The following MCU variants were observed in gnomAD, a reference collection of about 807,000 sequenced individuals.
The protein encoded by MCU is calcium uniporter protein, mitochondrial.
In MCU, 12 loss-of-function variants were observed where a neutral mutation model predicts 45.2. The ratio of observed to expected loss-of-function variants is 0.27; its 90% CI spans 0.17 to 0.43. The LOEUF (loss-of-function observed/expected upper bound fraction) is 0.43. Ranked by LOEUF, MCU falls within the 20% of genes least tolerant of loss-of-function variation. The pLI is 1.00. For missense variants in MCU, 324 were observed against 436.7 expected (o/e 0.74, Z 2.30); for synonymous variants, 160 against 165.1 (o/e 0.97, Z 0.24).
intron 1 of MCU, among the ~76,000 whole-genome samples, chr10:72,716,715 T>TA (rs879381622): frequency 2.4e-3 from 337 of 140,428 alleles, no homozygotes; most frequent in Middle Eastern, 3.6e-3. Context: ...GAGGCCCCAT[T>TA]AAAAAAAAAA....
intron 1 of MCU, among the ~76,000 whole-genome samples, chr10:72,705,203 G>T (rs1842804681): frequency 6.6e-6 from 1 of 152,046 alleles, no homozygotes; most frequent in Admixed American, 6.6e-5. Context: ...TAAGTTCTGG[G>T]ATATGTGTGC....
At chr10:72,824,372 A>ATTTT (rs66765142) in intron 1 of MCU, among the ~76,000 whole-genome samples, 1 of 133,718 alleles carries the variant, frequency 7.5e-6, no homozygotes, top group African/African-American at 2.9e-5. Flanking sequence ...AATTTTTTGT[A>ATTTT]TTTTTTTTTT....
intron 1 of MCU, among the ~76,000 whole-genome samples, chr10:72,768,385 A>T (rs1843758082): frequency 6.6e-6 from 1 of 152,228 alleles, no homozygotes; most frequent in Non-Finnish European, 1.5e-5. Context: ...AAAAACATTT[A>T]TATAATCTCA....
intron 1 of MCU, among the ~76,000 whole-genome samples, chr10:72,706,834 C>CTT (rs35632322): frequency 5.4e-4 from 72 of 133,450 alleles, no homozygotes; most frequent in African/African-American, 1.7e-3. Flanking sequence ...CGCACCCGGC[C>CTT]TTTTTTTTTT....
chr10:72,750,395 G>C (rs1366109929), intron 1 of MCU, among the ~76,000 whole-genome samples: 2 of 151,958 alleles, frequency 1.3e-5, no homozygotes. Flanking sequence ...TAATAAAATA[G>C]GTACAAAACT....
At chr10:72,750,999 T>A (rs576993594) in intron 1 of MCU, among the ~76,000 whole-genome samples, 1 of 152,278 alleles carries the variant, frequency 6.6e-6, no homozygotes, top group Admixed American at 6.5e-5. Flanking sequence ...TTCATTTTTA[T>A]TTTTTATTTT....
At chr10:72,791,085 A>G (rs923834802) in intron 1 of MCU, among the ~76,000 whole-genome samples, 1 of 152,308 alleles carries the variant, frequency 6.6e-6, no homozygotes, top group Admixed American at 6.5e-5. Flanking sequence ...GGTGGCAAAC[A>G]TATATTAAAA....
At chr10:72,776,825 A>G (rs1381345176) in intron 1 of MCU, among the ~76,000 whole-genome samples, 2 of 152,144 alleles carry the variant, frequency 1.3e-5, no homozygotes, top group Non-Finnish European at 2.9e-5. Flanking sequence ...AAACCTAAAG[A>G]CTCCACAAAA....
At chr10:72,701,029 G>T (rs372333832) in intron 1 of MCU, among the ~76,000 whole-genome samples, 2 of 152,148 alleles carry the variant, frequency 1.3e-5, no homozygotes, top group South Asian at 4.1e-4. Context: ...CTTCTTTTTT[G>T]TCTGCTGAGA....
chr10:72,885,517 T>C (rs1800421909), intron 7 of MCU, among the ~76,000 whole-genome samples: 1 of 152,190 alleles, frequency 6.6e-6, no homozygotes, highest in Non-Finnish European at 1.5e-5. Context: ...TTCTGGAGGC[T>C]TTGTTGAGGG....
chr10:72,780,836 A>T (rs1344902197), intron 1 of MCU, among the ~76,000 whole-genome samples: 1 of 152,140 alleles, frequency 6.6e-6, no homozygotes, highest in Non-Finnish European at 1.5e-5. Flanking sequence ...TGTGATAGTT[A>T]AATGAAGTTT....
chr10:72,822,137 G>A (rs779368594), intron 1 of MCU, among the ~76,000 whole-genome samples: 27 of 152,246 alleles, frequency 1.8e-4, no homozygotes, highest in Non-Finnish European at 2.9e-4. Flanking sequence ...TTAACCGGGC[G>A]TGGTGACAGA....
At chr10:72,820,083 G>C (rs1844687922) in intron 1 of MCU, among the ~76,000 whole-genome samples, 1 of 152,118 alleles carries the variant, frequency 6.6e-6, no homozygotes, top group Non-Finnish European at 1.5e-5. Context: ...TAGAAGTAAG[G>C]ATCCTGCATC....
chr10:72,810,189 A>G (rs1844518147), intron 1 of MCU, among the ~76,000 whole-genome samples: 1 of 152,068 alleles, frequency 6.6e-6, no homozygotes, highest in Non-Finnish European at 1.5e-5. Context: ...GAGTGGGGAG[A>G]CTTCTTTCCC....
intron 2 of MCU, among the ~76,000 whole-genome samples, chr10:72,856,293 CT>C (rs1197161554): frequency 2.6e-5 from 4 of 152,124 alleles, no homozygotes; most frequent in African/African-American, 7.2e-5. Flanking sequence ...TAGAAATGTT[CT>C]TTATTTTGAT....
At chr10:72,790,245 A>G (rs1473207529) in intron 1 of MCU, among the ~76,000 whole-genome samples, 2 of 152,190 alleles carry the variant, frequency 1.3e-5, no homozygotes, top group Admixed American at 6.5e-5. Flanking sequence ...AAATTCACCA[A>G]AGAAGATGGG....
At chr10:72,720,439 A>T (rs1843005922) in intron 1 of MCU, among the ~76,000 whole-genome samples, 1 of 152,148 alleles carries the variant, frequency 6.6e-6, no homozygotes, top group Admixed American at 6.5e-5. Context: ...ATTACTCCTT[A>T]ATCACCAAGT....
At chr10:72,756,065 G>A (rs2132716464) in intron 1 of MCU, among the ~76,000 whole-genome samples, 1 of 152,086 alleles carries the variant, frequency 6.6e-6, no homozygotes, top group African/African-American at 2.4e-5. Flanking sequence ...TGCCCAAGTG[G>A]GTCTCGAACT....
chr10:72,692,510 G>A (rs1411067998), intron 1 of MCU: 1 of 982,732 alleles, frequency 1.0e-6, no homozygotes, highest in African/African-American at 1.7e-5. Context: ...CCGAGAGGAG[G>A]AGGAGGGGCG....
Sources: allele counts gnomAD v4.1 joint callset (sites outside exome capture counted in the v4.1 genomes callset), GRCh38; gene constraint gnomAD v4.1.1; transcripts MANE v1.5; gene names NCBI Gene and HGNC (gene_info 2026-07-23, HGNC 2026-07-21).